Variants in SEMA3D observed in about 807,000 individuals in gnomAD.
SEMA3D encodes the protein semaphorin 3D.
SEMA3D carries 84 observed loss-of-function variants against 100.1 expected under a neutral mutation model. The ratio of observed to expected loss-of-function variants is 0.84; its 90% CI spans 0.70 to 1.01. SEMA3D has a LOEUF of 1.01. Among genes scored for constraint, SEMA3D ranks in the 50% least tolerant of loss-of-function variants. The probability of loss-of-function intolerance (pLI) is 0.00; values close to 1 mark genes in which losing one functional copy is unlikely to be tolerated. For synonymous variants in SEMA3D, 312 were observed against 320.7 expected, an observed-to-expected ratio of 0.97 and a Z score of 0.29; for missense variants, 875 against 934.1, an observed-to-expected ratio of 0.94 and a Z score of 0.82.
intron 2 of SEMA3D, among the ~76,000 whole-genome samples, chr7:85,131,272 T>C (rs1414925495): frequency 5.3e-5 from 8 of 152,050 alleles, no homozygotes; most frequent in Admixed American, 5.3e-4. Flanking sequence ...ATAATTTTAA[T>C]TCTTTGAGAT....
intron 16 of SEMA3D, among the ~76,000 whole-genome samples, chr7:85,014,425 T>C (rs1243202188): frequency 6.6e-6 from 1 of 151,846 alleles, no homozygotes; most frequent in Non-Finnish European, 1.5e-5. Context: ...AACATATAAC[T>C]TTGTTGTACT....
At chr7:85,070,453 T>C (rs1361599399) in intron 6 of SEMA3D, among the ~76,000 whole-genome samples, 1 of 152,152 alleles carries the variant, frequency 6.6e-6, no homozygotes, top group Non-Finnish European at 1.5e-5. Context: ...CTTTTTCCGC[T>C]CCTTTTGTGT....
the SEMA3D span, among the ~76,000 whole-genome samples, chr7:85,196,909 G>A: frequency 6.6e-6 from 1 of 152,076 alleles, no homozygotes; most frequent in South Asian, 2.1e-4. Flanking sequence ...AAACCACTTT[G>A]GAAAACCCTG....
upstream of SEMA3D, among the ~76,000 whole-genome samples, chr7:85,188,359 C>T (rs1791618631): frequency 6.6e-6 from 1 of 152,300 alleles, no homozygotes; most frequent in African/African-American, 2.4e-5. Context: ...TAAATACCCT[C>T]TTTGGATAGA....
At chr7:85,105,716 T>C (rs987847705) in intron 3 of SEMA3D, among the ~76,000 whole-genome samples, 3 of 152,102 alleles carry the variant, frequency 2.0e-5, no homozygotes, top group Non-Finnish European at 4.4e-5. Context: ...TCAAATTCTC[T>C]TGCTTTTCTG....
chr7:85,045,441 T>C (rs1422530116), intron 9 of SEMA3D, among the ~76,000 whole-genome samples: 1 of 151,986 alleles, frequency 6.6e-6, no homozygotes, highest in East Asian at 1.9e-4. Flanking sequence ...TTCTATATAG[T>C]GGCTCTGTCA....
At chr7:85,023,458 A>G (rs1490116881) in intron 12 of SEMA3D, among the ~76,000 whole-genome samples, 1 of 151,910 alleles carries the variant, frequency 6.6e-6, no homozygotes, top group Non-Finnish European at 1.5e-5. Flanking sequence ...CCTCGTATAG[A>G]ACGATTCTTT....
At chr7:85,028,105 C>A in intron 12 of SEMA3D, 1 of 628,128 alleles carries the variant, frequency 1.6e-6, no homozygotes, top group Non-Finnish European at 3.0e-6. Flanking sequence ...TGGCCTTTCA[C>A]GGTGGTAAAT....
chr7:85,153,962 G>A (rs537483831), intron 1 of SEMA3D, among the ~76,000 whole-genome samples: 2 of 152,152 alleles, frequency 1.3e-5, no homozygotes, highest in South Asian at 2.1e-4. Flanking sequence ...CATGACAGAC[G>A]GCAATCTGCT....
intron 5 of SEMA3D, among the ~76,000 whole-genome samples, chr7:85,074,466 T>C (rs989124136): frequency 2.0e-5 from 3 of 152,132 alleles, no homozygotes; most frequent in Admixed American, 6.5e-5. Flanking sequence ...ATGGCTGTTA[T>C]GTAGATTAAG....
At chr7:85,176,906 A>G (rs1791249861) in intron 1 of SEMA3D, among the ~76,000 whole-genome samples, 1 of 152,108 alleles carries the variant, frequency 6.6e-6, no homozygotes, top group Non-Finnish European at 1.5e-5. Context: ...TGGTCCCAGA[A>G]GTATAATATG....
intron 1 of SEMA3D, chr7:85,157,648 C>T (rs1445184349): frequency 2.0e-6 from 2 of 982,908 alleles, no homozygotes; most frequent in Non-Finnish European, 2.4e-6. Flanking sequence ...GCCGTACATA[C>T]ATCAACATTG....
intron 11 of SEMA3D, among the ~76,000 whole-genome samples, chr7:85,038,988 G>A (rs1790778875): frequency 6.6e-6 from 1 of 152,116 alleles, no homozygotes; most frequent in Admixed American, 6.6e-5. Context: ...ATATAAAATA[G>A]ATTAAAAATT....
At chr7:85,025,103 C>G (rs1042191413) in intron 12 of SEMA3D, among the ~76,000 whole-genome samples, 1 of 151,918 alleles carries the variant, frequency 6.6e-6, no homozygotes, top group Non-Finnish European at 1.5e-5. Flanking sequence ...TATGTATGTA[C>G]TTTTAATTTC....
chr7:85,126,810 G>C (rs1458836498), intron 2 of SEMA3D, among the ~76,000 whole-genome samples: 1 of 152,064 alleles, frequency 6.6e-6, no homozygotes, highest in East Asian at 1.9e-4. Flanking sequence ...TATGTTACAG[G>C]GGGCTATTAT....
intron 2 of SEMA3D, among the ~76,000 whole-genome samples, chr7:85,145,222 T>C (rs1457986570): frequency 2.0e-5 from 3 of 151,924 alleles, no homozygotes; most frequent in South Asian, 4.2e-4. Flanking sequence ...ATGTGTTAAA[T>C]TTATTATGTA....
chr7:85,144,512 A>AT, intron 2 of SEMA3D: 7 of 981,386 alleles, frequency 7.1e-6, no homozygotes, highest in Non-Finnish European at 8.5e-6. Flanking sequence ...ATAGAGATAT[A>AT]TTTTTTGCCT....
In SEMA3D at chr7:85,089,913, A is replaced by G. The variant is rs191079244; in HGVS notation, c.312+7892T>C. Among the ~76,000 whole-genome samples the G allele has an allele frequency of 2.0e-5, 3 of 152,236 alleles. No homozygotes were observed. In the East Asian group the frequency reaches 5.8e-4, roughly 29 times the overall value. ...TCTCATAAAACAAACAAACAAAAAAACACCTACAAATATGTATTGCATGAA... is the reference window on the plus strand; with the variant it reads ...TCTCATAAAACAAACAAACAAAAAAGCACCTACAAATATGTATTGCATGAA... On this transcript the variant is annotated intron_variant, in intron 4 of 18. Transcript: ENST00000284136.
intron 2 of SEMA3D, among the ~76,000 whole-genome samples, chr7:85,131,480 C>A (rs1008616644): frequency 2.0e-5 from 3 of 151,892 alleles, no homozygotes; most frequent in African/African-American, 4.8e-5. Context: ...TCAACAATAA[C>A]CTCATATAAA....
Sources: allele counts gnomAD v4.1 joint callset (sites outside exome capture counted in the v4.1 genomes callset), GRCh38; gene constraint gnomAD v4.1.1; transcripts MANE v1.5; gene names NCBI Gene and HGNC (gene_info 2026-07-23, HGNC 2026-07-21).